The following POMGNT1 variants were observed in gnomAD, a reference collection of about 807,000 sequenced individuals.
POMGNT1 encodes protein O-linked-mannose beta-1,2-N-acetylglucosaminyltransferase 1.
Under a neutral mutation model 95.6 loss-of-function variants are expected in POMGNT1, and 67 were observed. The ratio of observed to expected loss-of-function variants is 0.70; its 90% CI spans 0.58 to 0.86. The LOEUF (loss-of-function observed/expected upper bound fraction) is 0.86. Among genes scored for constraint, POMGNT1 ranks in the 40% least tolerant of loss-of-function variants. The pLI is 0.00. For missense variants in POMGNT1, 719 were observed against 855.2 expected (o/e 0.84, Z 1.99); for synonymous variants, 298 against 317.9 (o/e 0.94, Z 0.66).
chr1:46,216,845 A>T (rs571433953), intron 1 of POMGNT1, among the ~76,000 whole-genome samples: 14 of 152,298 alleles, frequency 9.2e-5, no homozygotes, highest in African/African-American at 3.4e-4. Flanking sequence ...CTTTATGTTC[A>T]TATACCCAAT....
At chr1:46,206,234 G>A (rs1658710257) in intron 1 of POMGNT1, among the ~76,000 whole-genome samples, 1 of 152,228 alleles carries the variant, frequency 6.6e-6, no homozygotes, top group African/African-American at 2.4e-5. Flanking sequence ...GCAGCACTCT[G>A]TCTCTCTCCT....
upstream of POMGNT1, among the ~76,000 whole-genome samples, chr1:46,202,878 C>G (rs1658577525): frequency 7.7e-6 from 1 of 130,496 alleles, no homozygotes; most frequent in Non-Finnish European, 1.6e-5. Context: ...TTGCCCTTTT[C>G]TACTCCGTTA....
intron 19 of POMGNT1, 117 bp downstream of exon 19, chr1:46,190,356 T>C: frequency 7.4e-7 from 1 of 1,345,340 alleles, no homozygotes; most frequent in Non-Finnish European, 1.1e-6. Context: ...AAGTTCCTAA[T>C]GTTTGAGATG....
At chr1:46,201,339 C>CT (rs1425989096), upstream of POMGNT1, among the ~76,000 whole-genome samples, 1 of 151,766 alleles carries the variant, frequency 6.6e-6, no homozygotes. Flanking sequence ...TAGCGAGACT[C>CT]TATCTAAATT....
upstream of POMGNT1, among the ~76,000 whole-genome samples, chr1:46,201,032 G>A (rs1176514119): frequency 6.6e-6 from 1 of 152,166 alleles, no homozygotes; most frequent in Non-Finnish European, 1.5e-5. Flanking sequence ...TCAGGAGGCT[G>A]AGGCAGGAGA....
In POMGNT1 at chr1:46,195,826, G is replaced by A. The variant is rs749222507; in HGVS notation, c.519C>T (p.Leu173=). 2.5e-6 allele frequency: 4 copies of A among 1,597,344 alleles called. No individual in the cohort carries two copies. The highest frequency in any genetic ancestry group is 1.3e-5 in the African/African-American group (1 of 74,842). Reference sequence around the variant, plus strand: ...AATAACTGACCTTGACAGTGCAGATGAGCACTCGGCCGGGCGCTACCATGT... The same window carrying A: ...AATAACTGACCTTGACAGTGCAGATAAGCACTCGGCCGGGCGCTACCATGT... ...FLNMVAPGRV[L]ICTVKDEGSF... is the part of the protein sequence containing the mutation. Residue 173 remains leucine, a synonymous_variant, in exon 6 of 22, where the codon CTC becomes CTT. Transcript: ENST00000371984.
chr1:46,212,560 C>T (rs1230023733), intron 1 of POMGNT1, among the ~76,000 whole-genome samples: 3 of 151,538 alleles, frequency 2.0e-5, no homozygotes, highest in African/African-American at 2.4e-5. Context: ...GGATTACAGG[C>T]GTGAGCCACT....
At position 46,189,973 on chromosome 1, in the gene POMGNT1, C is replaced by T. The variant is rs74374973; in HGVS notation, c.1666G>A (p.Asp556Asn). ...TCTTCACAAGGGTTCTTGCTGTGGTCCAGAACCTCAGCCTCACTGCAGTAG... is the reference window on the plus strand; with the variant it reads ...TCTTCACAAGGGTTCTTGCTGTGGTTCAGAACCTCAGCCTCACTGCAGTAG... ...HRLLSEAEVL[D>N]HSKNPCEDSF... The change falls in exon 20 of 22, where the codon GAC becomes AAC. Residue 556 changes from aspartate to asparagine, a missense_variant. Physicochemically the swap from Asp to Asn is conservative, Grantham distance 23. Coordinates refer to ENST00000371984, the MANE Select transcript of POMGNT1 (RefSeq NM_017739.4). 18,700 of 1,614,096 alleles carry T rather than the reference C, an allele frequency of 0.012. 120 individuals are homozygous for T. The highest frequency in any genetic ancestry group is 0.013 in the Non-Finnish European group (15,002 of 1,180,018).
At chr1:46,220,022 TA>T (rs1183942543) in exon 1 of POMGNT1, 3 of 1,614,154 alleles carry the variant, frequency 1.9e-6, no homozygotes, top group Non-Finnish European at 2.5e-6. Context: ...GGGCAAAAGT[TA>T]TAGCTGGTGG....
chr1:46,209,782 A>G (rs1006419796), intron 1 of POMGNT1, among the ~76,000 whole-genome samples: 1 of 152,074 alleles, frequency 6.6e-6, no homozygotes, highest in Non-Finnish European at 1.5e-5. Flanking sequence ...AAGTGCTGGG[A>G]TTACAAGCAT....
At chr1:46,191,850 G>A (rs576115128) in intron 17 of POMGNT1, 1 of 441,302 alleles carries the variant, frequency 2.3e-6, no homozygotes, top group South Asian at 2.0e-5. Context: ...TAGCCAGGAT[G>A]GTCTCGATCT....
chr1:46,189,675 T>G lies in POMGNT1; in HGVS notation c.1786-108A>C. 1.9e-6 allele frequency: 3 copies of G among 1,547,912 alleles called. No homozygotes were observed. The Admixed American group carries it at 5.9e-5, about 30-fold the overall frequency. On this transcript the variant is annotated intron_variant, in intron 20 of 21. Transcript: ENST00000371984. ...ACCCCTCCTCAGAAACCACCTCAAT[T>G]TGTAAGAGATAGCATCTTTTAGAAT... is the stretch of plus-strand genomic sequence containing the variant.
At chr1:46,200,583 C>T (rs543163295), upstream of POMGNT1, among the ~76,000 whole-genome samples, 7 of 152,340 alleles carry the variant, frequency 4.6e-5, no homozygotes, top group East Asian at 1.9e-4. Context: ...GTAAGCTCTC[C>T]GTAACATTTG....
chr1:46,192,107 G>C lies in POMGNT1; in HGVS notation c.1530C>G (p.Gly510=). The change falls in exon 17 of 22, where the codon GGC becomes GGG. Residue 510 remains glycine, a synonymous_variant. Transcript: ENST00000371984. The part of the protein sequence containing the change: ...HFGIVGLNMN[G]YFHEAYFKKH... ...CCTGCCTCCCACTCACGTGAAAGTA[G>C]CCATTCATGTTGAGGCCGACGATGC... The C allele has an allele frequency of 6.2e-7, 1 of 1,613,902 alleles. No homozygotes were observed.
intron 8 of POMGNT1, 54 bp downstream of exon 8, chr1:46,194,498 CT>C (rs1459914197): frequency 6.2e-7 from 1 of 1,614,040 alleles, no homozygotes; most frequent in East Asian, 2.2e-5. Flanking sequence ...ACAGAGAGAT[CT>C]AAATGCCCAC....
intron 13 of POMGNT1, 71 bp from the exon 14 acceptor site, chr1:46,193,029 C>G (rs1023754692): frequency 1.9e-6 from 3 of 1,606,418 alleles, no homozygotes; most frequent in Non-Finnish European, 2.6e-6. Context: ...GCCCCCAACC[C>G]TCTTCTTGCA....
chr1:46,198,692 T>C (rs1658436307), upstream of POMGNT1, among the ~76,000 whole-genome samples: 1 of 152,090 alleles, frequency 6.6e-6, no homozygotes, highest in Non-Finnish European at 1.5e-5. Flanking sequence ...CCGACTCCAG[T>C]CAGAGGCCTA....
chr1:46,204,149 C>T (rs1658638711), intron 1 of POMGNT1, among the ~76,000 whole-genome samples: 1 of 152,188 alleles, frequency 6.6e-6, no homozygotes, highest in East Asian at 1.9e-4. Flanking sequence ...TCCTCTACAT[C>T]CCCCAGCCCT....
chr1:46,207,621 C>T (rs1258382769), intron 1 of POMGNT1, among the ~76,000 whole-genome samples: 1 of 151,614 alleles, frequency 6.6e-6, no homozygotes, highest in African/African-American at 2.4e-5. Flanking sequence ...TCACTGCAAG[C>T]TCCGCCTCCT....
Sources: gnomAD v4.1 joint callset for allele counts (sites outside exome capture counted in the v4.1 genomes callset) on GRCh38, gnomAD v4.1.1 for gene constraint, MANE v1.5 for transcripts, NCBI Gene and HGNC (gene_info 2026-07-23, HGNC 2026-07-21) for gene names.